The following ETV4 variants were observed in gnomAD, a reference collection of about 807,000 sequenced individuals.
ETV4 encodes the protein ETS translocation variant 4.
ETV4 carries 42 observed loss-of-function variants against 65.9 expected under a neutral mutation model. The observed-to-expected ratio is 0.64, with a 90% CI of 0.50 to 0.82. ETV4 has a LOEUF of 0.82. ETV4 is among the 40% of genes least tolerant of loss of function. The pLI is 0.00. For missense variants in ETV4, 583 were observed against 630.3 expected, an observed-to-expected ratio of 0.92 and a Z score of 0.80; for synonymous variants, 238 against 260.0, an observed-to-expected ratio of 0.92 and a Z score of 0.81.
intron 12 of ETV4, 90 bp from the exon 13 acceptor site, chr17:43,528,833 A>G (rs2154587021): frequency 9.7e-7 from 1 of 1,030,658 alleles, no homozygotes; most frequent in East Asian, 2.5e-5. Flanking sequence ...TGGCCCTTCT[A>G]CCAGTACAGG....
chr17:43,530,799 C>A (rs1218718470), intron 8 of ETV4, among the ~76,000 whole-genome samples: 1 of 152,090 alleles, frequency 6.6e-6, no homozygotes, highest in African/African-American at 2.4e-5. Flanking sequence ...TGAAGCCACC[C>A]GTTCAAGTTC....
chr17:43,533,407 C>A (rs1321877117), intron 6 of ETV4, 59 bp from the exon 7 acceptor site: 1 of 1,508,820 alleles, frequency 6.6e-7, no homozygotes, highest in Non-Finnish European at 9.1e-7. Context: ...CATCTTTGAA[C>A]CCTTCATTCC....
At position 43,545,329 on chromosome 17, in the gene ETV4, G is replaced by T. The variant is rs933813800; in HGVS notation, c.99C>A (p.Ile33=). Residue 33 remains isoleucine (I), a synonymous_variant, in exon 3 of 13, where the codon ATC becomes ATA. Coordinates refer to ENST00000319349, the MANE Select transcript of ETV4 (RefSeq NM_001079675.5). ...PGNGSLREAL[I]GPLGKLMDPG... is the part of the protein sequence containing the mutation. Reference sequence around the variant, plus strand: ...GGTCCATGAGCTTCCCCAGCGGGCCGATCAGCGCTTCGCGCAAGCTCCCAT... The same window carrying T: ...GGTCCATGAGCTTCCCCAGCGGGCCTATCAGCGCTTCGCGCAAGCTCCCAT... 6.8e-6 allele frequency: 11 copies of T among 1,608,042 alleles called. No homozygotes were observed. The highest frequency in any genetic ancestry group is 9.3e-6 in the Non-Finnish European group (11 of 1,177,098).
chr17:43,544,755 C>A (rs1971713445), intron 4 of ETV4: 3 of 504,910 alleles, frequency 5.9e-6, no homozygotes, highest in Non-Finnish European at 1.1e-5. Flanking sequence ...CCTAGTTACA[C>A]AAGCCTGGCT....
chr17:43,536,001 C>G (rs1282771348), intron 5 of ETV4, among the ~76,000 whole-genome samples: 1 of 152,196 alleles, frequency 6.6e-6, no homozygotes, highest in Non-Finnish European at 1.5e-5. Context: ...ATCCCAGCTA[C>G]TCTGGAAGCT....
At chr17:43,532,548 A>T (rs1185324951) in intron 8 of ETV4, 126 bp downstream of exon 8, 1 of 872,646 alleles carries the variant, frequency 1.1e-6, no homozygotes, top group Non-Finnish European at 1.8e-6. Context: ...AATTATGAAG[A>T]AAAAAAGTGG....
chr17:43,528,275 C>T lies in ETV4; in HGVS notation c.*244G>A, dbSNP rs892227491. 4 of 429,990 alleles carry T rather than the reference C, an allele frequency of 9.3e-6. No homozygotes were observed. Among genetic ancestry groups the T allele is most frequent in the Non-Finnish European group, 1.6e-5 (4 of 242,428 alleles). The allele number at this position is 429,990 out of a possible 1,614,324, so 26.6% of individuals were successfully genotyped here. A position where few individuals can be genotyped will look rare whatever the true frequency, so the allele number is the denominator to read the frequency against. The stretch of plus-strand genomic sequence containing the variant: ...ACCTAGGAAGAAGCTGAGCTGAATT[C>T]CTCCAGGGCCCAGGTGAAACCCCCA... On this transcript the variant is annotated 3_prime_UTR_variant, in exon 13 of 13. Coordinates refer to ENST00000319349, the MANE Select transcript of ETV4 (RefSeq NM_001079675.5).
intron 3 of ETV4, 119 bp from the exon 4 acceptor site, chr17:43,545,141 A>G (rs963786475): frequency 3.8e-6 from 5 of 1,317,890 alleles, no homozygotes; most frequent in Non-Finnish European, 5.4e-6. Flanking sequence ...AATGACCAAA[A>G]TCCCTTGGAG....
At chr17:43,533,035 TG>T in intron 7 of ETV4, 96 bp from the exon 8 acceptor site, 3 of 1,501,512 alleles carry the variant, frequency 2.0e-6, no homozygotes, top group Non-Finnish European at 2.7e-6. Context: ...GGCTCCGGAA[TG>T]GGGGGTAGGG....
intron 1 of ETV4, 136 bp downstream of exon 1, chr17:43,546,049 C>CA (rs2154587353): frequency 4.6e-6 from 1 of 219,610 alleles, no homozygotes; most frequent in Admixed American, 5.5e-5. Context: ...GCGCCCCCTC[C>CA]AACCCTGAAT....
intron 4 of ETV4, among the ~76,000 whole-genome samples, chr17:43,537,899 C>T (rs1300965913): frequency 2.6e-5 from 4 of 151,906 alleles, no homozygotes; most frequent in African/African-American, 7.3e-5. Flanking sequence ...GAGGCTGAGG[C>T]GGGCAGATCA....
At chr17:43,539,424 T>C (rs757032624) in intron 4 of ETV4, among the ~76,000 whole-genome samples, 1 of 152,200 alleles carries the variant, frequency 6.6e-6, no homozygotes, top group Non-Finnish European at 1.5e-5. Context: ...ATTGCATCTA[T>C]GTTTTGTTTT....
At chr17:43,538,802 G>A (rs773810316) in intron 4 of ETV4, among the ~76,000 whole-genome samples, 4 of 152,128 alleles carry the variant, frequency 2.6e-5, no homozygotes, top group East Asian at 1.9e-4. Flanking sequence ...GAGGAGGCTG[G>A]ACTCTCCTTC....
chr17:43,530,888 G>A (rs1970892785), intron 8 of ETV4, among the ~76,000 whole-genome samples: 2 of 152,130 alleles, frequency 1.3e-5, no homozygotes, highest in African/African-American at 2.4e-5. Context: ...TCCGGGAGGA[G>A]GCGGGAGGGT....
Position 43,530,089 on chromosome 17 carries a change from G to T in ETV4, c.886+18C>A. 2 of 1,606,144 alleles carry T rather than the reference G, an allele frequency of 1.2e-6. No homozygotes were observed. The highest frequency in any genetic ancestry group is 1.7e-6 in the Non-Finnish European group (2 of 1,175,802). On this transcript the variant is annotated intron_variant, in intron 9 of 12. Coordinates refer to ENST00000319349, the MANE Select transcript of ETV4 (RefSeq NM_001079675.5). ...CCCCAACATGGAGGGCTTGGCAGGG[G>T]AAGGGGGGCTGCCTTACCCATGGCC...
chr17:43,532,337 A>G (rs1406949173), intron 8 of ETV4, among the ~76,000 whole-genome samples: 1 of 152,092 alleles, frequency 6.6e-6, no homozygotes, highest in Non-Finnish European at 1.5e-5. Flanking sequence ...CATCTCTACT[A>G]AAAATACAAA....
Position 43,529,877 on chromosome 17 carries a change from C to A in ETV4, c.955+7G>T. ...TTGACCCTCCCATCAACAGTCACTT[C>A]TCTGACCTTCAAATTTCTCAGGGAC... On this transcript the variant is annotated splice_region_variant and intron_variant, in intron 10 of 12. Coordinates refer to ENST00000319349, the MANE Select transcript of ETV4 (RefSeq NM_001079675.5). 6.2e-7 allele frequency: 1 copy of A among 1,614,162 alleles called. No individual in the cohort carries two copies. The highest frequency in any genetic ancestry group is 8.5e-7 in the Non-Finnish European group (1 of 1,180,016).
At position 43,532,835 on chromosome 17, in the gene ETV4, C is replaced by A. The variant is rs765042888; in HGVS notation, c.650G>T (p.Cys217Phe). 6.2e-7 allele frequency: 1 copy of A among 1,613,774 alleles called. No homozygotes were observed. Among genetic ancestry groups the A allele is most frequent in the Admixed American group, 1.7e-5 (1 of 59,982 alleles). Residue 217 changes from cysteine (C) to phenylalanine (F), a missense_variant, in exon 8 of 13, where the codon TGC (cysteine) becomes TTC (phenylalanine). Transcript: ENST00000319349. ...AAAGCTCTGCTGGGGATAGGGTGGGCAGGGCTCCGACAGCTGGTGTTGGTA... is the reference window on the plus strand; with the variant it reads ...AAAGCTCTGCTGGGGATAGGGTGGGAAGGGCTCCGACAGCTGGTGTTGGTA... Reference protein sequence around the residue: ...APYQHQLSEPCPPYPQQSFKQ... With the variant: ...APYQHQLSEPFPPYPQQSFKQ...
At chr17:43,544,870 A>C in intron 4 of ETV4, 105 bp downstream of exon 4, 1 of 1,089,538 alleles carries the variant, frequency 9.2e-7, no homozygotes, top group Non-Finnish European at 1.4e-6. Context: ...TCCTTGAGGC[A>C]GGGAAGGGAG....
Sources: allele counts gnomAD v4.1 joint callset (sites outside exome capture counted in the v4.1 genomes callset), GRCh38; gene constraint gnomAD v4.1.1; transcripts MANE v1.5; gene names NCBI Gene and HGNC (gene_info 2026-07-23, HGNC 2026-07-21).